MGAT5: variants seen among roughly 807,000 people sequenced by gnomAD.
MGAT5 encodes the protein alpha-1,6-mannosylglycoprotein 6-beta-N-acetylglucosaminyltransferase A.
MGAT5 carries 30 observed loss-of-function variants against 94.3 expected under a neutral mutation model. That is an observed-to-expected ratio of 0.32 (90% CI 0.24 to 0.43). The LOEUF (loss-of-function observed/expected upper bound fraction) is 0.43, where lower values mean the gene tolerates loss of function less well. Ranked by LOEUF, MGAT5 falls within the 20% of genes least tolerant of loss-of-function variation. The pLI, the probability that MGAT5 is intolerant of heterozygous loss-of-function variation, is 1.00. For missense variants in MGAT5, 691 were observed against 905.5 expected, an observed-to-expected ratio of 0.76 and a Z score of 3.04; for synonymous variants, 310 against 322.9, an observed-to-expected ratio of 0.96 and a Z score of 0.43.
chr2:134,322,315 G>C (rs888177778), intron 4 of MGAT5, among the ~76,000 whole-genome samples: 3 of 152,076 alleles, frequency 2.0e-5, no homozygotes, highest in African/African-American at 7.2e-5. Flanking sequence ...TGCAATTTTA[G>C]ATCCTTTGAC....
chr2:134,131,778 A>C (rs560524884), intron 1 of MGAT5, among the ~76,000 whole-genome samples: 41 of 151,962 alleles, frequency 2.7e-4, no homozygotes, highest in Non-Finnish European at 5.3e-4. Context: ...GCTGTGTATA[A>C]ACAGAGTTGT....
At chr2:134,346,513 C>G (rs540584713) in intron 8 of MGAT5, among the ~76,000 whole-genome samples, 25 of 152,120 alleles carry the variant, frequency 1.6e-4, no homozygotes, top group African/African-American at 6.0e-4. Context: ...CTACTCAGAT[C>G]CTCTTGGAAG....
At chr2:134,136,366 A>T (rs572961729) in intron 1 of MGAT5, among the ~76,000 whole-genome samples, 1 of 152,288 alleles carries the variant, frequency 6.6e-6, no homozygotes, top group Admixed American at 6.5e-5. Context: ...CAGGAGTTTG[A>T]GACCAGCATG....
At chr2:134,444,824 C>A (rs536007784) in intron 15 of MGAT5, among the ~76,000 whole-genome samples, 2 of 152,312 alleles carry the variant, frequency 1.3e-5, no homozygotes. Context: ...GCCTCGAGTT[C>A]TTGTGCATGC....
intron 14 of MGAT5, among the ~76,000 whole-genome samples, chr2:134,436,279 C>T (rs1340921389): frequency 6.6e-6 from 1 of 152,216 alleles, no homozygotes; most frequent in African/African-American, 2.4e-5. Flanking sequence ...CTGCCACCTT[C>T]AGGCCTCCCT....
chr2:134,365,391 T>A (rs1238245410), intron 10 of MGAT5, among the ~76,000 whole-genome samples: 1 of 152,200 alleles, frequency 6.6e-6, no homozygotes, highest in Non-Finnish European at 1.5e-5. Context: ...ACTGTAATTC[T>A]GGCTCAGAAA....
intron 10 of MGAT5, among the ~76,000 whole-genome samples, chr2:134,382,765 A>G (rs1283142482): frequency 6.6e-6 from 1 of 152,238 alleles, no homozygotes; most frequent in Non-Finnish European, 1.5e-5. Context: ...TGAGGCCAAC[A>G]GCCCACTGAA....
intron 2 of MGAT5, among the ~76,000 whole-genome samples, chr2:134,303,102 G>A (rs1384498029): frequency 1.3e-5 from 2 of 152,104 alleles, no homozygotes; most frequent in Admixed American, 6.6e-5. Context: ...GAGACTCTAT[G>A]TGTTTTATTT....
chr2:134,192,248 TCTTTTCTCTTCCTCCTC>T (rs1038717621), intron 1 of MGAT5, among the ~76,000 whole-genome samples: 12 of 152,120 alleles, frequency 7.9e-5, no homozygotes, highest in African/African-American at 1.7e-4. Flanking sequence ...TTGGCTCCCT[TCTTTTCTCTTCCTCCTC>T]CTTTTCTCTT....
At chr2:134,217,427 G>T (rs776667091) in intron 1 of MGAT5, among the ~76,000 whole-genome samples, 3 of 152,218 alleles carry the variant, frequency 2.0e-5, no homozygotes, top group African/African-American at 7.2e-5. Flanking sequence ...TGAAACTGAG[G>T]CTCACGGGGC....
chr2:134,267,806 TTC>T (rs1267609786), intron 1 of MGAT5, among the ~76,000 whole-genome samples: 1 of 152,200 alleles, frequency 6.6e-6, no homozygotes, highest in Admixed American at 6.5e-5. Context: ...CACTGCAACT[TTC>T]TGTTGTATTT....
At chr2:134,305,449 TA>T in intron 2 of MGAT5, among the ~76,000 whole-genome samples, 1 of 152,294 alleles carries the variant, frequency 6.6e-6, no homozygotes, top group South Asian at 2.1e-4. Flanking sequence ...TATACTATCT[TA>T]AAACAGCCCA....
chr2:134,198,163 TG>T (rs1439976306), intron 1 of MGAT5, among the ~76,000 whole-genome samples: 2 of 152,248 alleles, frequency 1.3e-5, no homozygotes, highest in Non-Finnish European at 2.9e-5. Flanking sequence ...CTTCTTCTTC[TG>T]GTTCTTCATA....
chr2:134,161,511 AG>A (rs1166662367), intron 1 of MGAT5, among the ~76,000 whole-genome samples: 1 of 152,132 alleles, frequency 6.6e-6, no homozygotes. Flanking sequence ...TCTGGCTGGC[AG>A]GAGGCAGAAG....
intron 1 of MGAT5, among the ~76,000 whole-genome samples, chr2:134,239,380 A>G (rs1249911638): frequency 6.6e-6 from 1 of 152,078 alleles, no homozygotes; most frequent in Non-Finnish European, 1.5e-5. Flanking sequence ...TTTGTTGGGG[A>G]GCTCCCTCAT....
intron 1 of MGAT5, among the ~76,000 whole-genome samples, chr2:134,228,536 T>C (rs531750856): frequency 4.8e-4 from 73 of 152,356 alleles, no homozygotes; most frequent in Non-Finnish European, 8.4e-4. Context: ...TTTCTTGCTC[T>C]GTGAAAATGG....
chr2:134,185,793 A>G (rs1350058616), intron 1 of MGAT5, among the ~76,000 whole-genome samples: 1 of 152,256 alleles, frequency 6.6e-6, no homozygotes, highest in Non-Finnish European at 1.5e-5. Context: ...TAACCAAGGA[A>G]AAATCCAGAC....
chr2:134,208,099 T>G (rs1680107036), intron 1 of MGAT5, among the ~76,000 whole-genome samples: 1 of 152,186 alleles, frequency 6.6e-6, no homozygotes, highest in African/African-American at 2.4e-5. Flanking sequence ...AAGGACACAT[T>G]AAGACAGCAC....
chr2:134,133,412 A>G (rs1016026742), intron 1 of MGAT5, among the ~76,000 whole-genome samples: 6 of 152,186 alleles, frequency 3.9e-5, no homozygotes, highest in Non-Finnish European at 7.3e-5. Flanking sequence ...AGGCAGAAAA[A>G]CTTCAGAGGG....
Sources: gnomAD v4.1 joint callset for allele counts (sites outside exome capture counted in the v4.1 genomes callset) on GRCh38, gnomAD v4.1.1 for gene constraint, MANE v1.5 for transcripts, NCBI Gene and HGNC (gene_info 2026-07-23, HGNC 2026-07-21) for gene names.